The following EXOSC3 variants were observed in gnomAD, a reference collection of about 807,000 sequenced individuals.
The protein encoded by EXOSC3 is exosome complex component RRP40.
A neutral mutation model predicts 25.1 loss-of-function variants in EXOSC3; 18 were observed. The ratio of observed to expected loss-of-function variants is 0.72; its 90% confidence interval spans 0.50 to 1.06. EXOSC3 has a LOEUF of 1.06. EXOSC3 is among the 50% of genes least tolerant of loss of function. The pLI is 0.00. For synonymous variants in EXOSC3, 165 were observed against 132.2 expected (o/e 1.25, Z -1.70); for missense variants, 382 against 350.9 (o/e 1.09, Z -0.71).
Position 37,784,875 on chromosome 9 carries a change from G to C in EXOSC3, c.170C>G (p.Ala57Gly), listed in dbSNP as rs773767698. 2 of 1,607,186 alleles carry C rather than the reference G, an allele frequency of 1.2e-6. No homozygotes were observed. Among genetic ancestry groups the C allele is most frequent in the Admixed American group, 3.4e-5 (2 of 59,046 alleles). The change falls in exon 1 of 4, where the codon GCT becomes GGT. Residue 57 changes from alanine (A) to glycine (G), a missense_variant. Physicochemically the swap from Ala to Gly is moderately conservative, Grantham distance 60 (BLOSUM62 0). Transcript: ENST00000327304. Reference sequence around the variant, plus strand: ...AACGCGCACCCGCGAGCACGCTCTAGCATTCAGGCTCAACGGTCGCTCCAC... The same window carrying C: ...AACGCGCACCCGCGAGCACGCTCTACCATTCAGGCTCAACGGTCGCTCCAC... ...GAVERPLSLN[A>G]RACSRVRVVC...
Position 37,784,905 on chromosome 9 carries a change from C to T in EXOSC3, c.140G>A (p.Gly47Asp). Residue 47 changes from glycine (G) to aspartate (D), a missense_variant, in exon 1 of 4, where the codon GGT (glycine) becomes GAT (aspartate). Physicochemically the swap from Gly to Asp is moderately conservative, Grantham distance 94 (BLOSUM62 -1). Transcript: ENST00000327304. ...PEQEDAEGPGGAVERPLSLNA... is the reference protein window; with the variant it reads ...PEQEDAEGPGDAVERPLSLNA... The stretch of plus-strand genomic sequence containing the variant: ...CAGGCTCAACGGTCGCTCCACTGCA[C>T]CCCCAGGGCCTTCCGCGTCCTCCTG... 1 of 1,607,490 alleles carries T rather than the reference C, an allele frequency of 6.2e-7. No homozygotes were observed. Among genetic ancestry groups the T allele is most frequent in the Non-Finnish European group, 8.5e-7 (1 of 1,177,124 alleles).
chr9:37,785,067 T>G, upstream of EXOSC3: 2 of 1,574,820 alleles, frequency 1.3e-6, no homozygotes, highest in Non-Finnish European at 1.7e-6. Flanking sequence ...CAAACACCGT[T>G]TCCGGTACCC....
In EXOSC3 at chr9:37,783,955, A is replaced by T. The variant is rs751776878; in HGVS notation, c.433T>A (p.Ser145Thr). 2 of 1,613,338 alleles carry T rather than the reference A, an allele frequency of 1.2e-6. No individual in the cohort carries two copies. The highest frequency in any genetic ancestry group is 8.5e-7 in the Non-Finnish European group (1 of 1,179,962). ...TTTCTTTTAGTTGCACCTTCAAATG[A>T]CAAGTAAGACAAAGAAGCTGGCTCA... is the stretch of plus-strand genomic sequence containing the variant. ...GSEPASLSYL[S>T]FEGATKRNRP... is the part of the protein sequence containing the mutation. Residue 145 changes from serine to threonine, a missense_variant, in exon 2 of 4, where the codon TCA becomes ACA. Transcript: ENST00000327304.
chr9:37,781,199 T>C (rs1293077446), intron 3 of EXOSC3, among the ~76,000 whole-genome samples: 1 of 152,010 alleles, frequency 6.6e-6, no homozygotes, highest in Non-Finnish European at 1.5e-5. Flanking sequence ...TTATCTACAG[T>C]GTTAAGACAC....
intron 1 of EXOSC3, 65 bp from the exon 2 acceptor site, chr9:37,784,128 A>G (rs1419691507): frequency 6.6e-7 from 1 of 1,522,984 alleles, no homozygotes; most frequent in Non-Finnish European, 8.9e-7. Flanking sequence ...AGATACCTTC[A>G]GCAAGTCCTT....
Position 37,783,501 on chromosome 9 carries a change from A to G in EXOSC3, c.474+413T>C, listed in dbSNP as rs7861152. ...CAAATTGAAAACCCAAGGTAACAAT[A>G]TTACTCCTCTATCAGCTCCTAGGAC... On this transcript the variant is annotated intron_variant, in intron 2 of 3. Coordinates refer to ENST00000327304, the MANE Select transcript of EXOSC3 (RefSeq NM_016042.4). 2.8e-3 allele frequency among the ~76,000 whole-genome samples: 428 copies of G among 152,304 alleles called. 3 individuals carry two copies. Among genetic ancestry groups the G allele is most frequent in the African/African-American group, 9.8e-3 (406 of 41,572 alleles).
chr9:37,780,967 G>A, intron 3 of EXOSC3, 87 bp from the exon 4 acceptor site: 1 of 1,162,534 alleles, frequency 8.6e-7, no homozygotes, highest in Non-Finnish European at 1.2e-6. Context: ...CCTTTTCTGA[G>A]CAGTTCTCCA....
intron 2 of EXOSC3, among the ~76,000 whole-genome samples, chr9:37,782,442 T>G (rs532743922): frequency 1.1e-3 from 166 of 152,376 alleles, no homozygotes; most frequent in African/African-American, 3.8e-3. Flanking sequence ...AAATTAAAAT[T>G]AGGTATTTAA....
At chr9:37,783,408 A>T (rs1023714219) in intron 2 of EXOSC3, among the ~76,000 whole-genome samples, 1 of 152,214 alleles carries the variant, frequency 6.6e-6, no homozygotes, top group African/African-American at 2.4e-5. Flanking sequence ...GAATGAGAAG[A>T]GGTGAAGAAA....
rs1828646581 is a variant in EXOSC3, at chr9:37,783,961, A to C, written c.427T>G (p.Tyr143Asp). The C allele has an allele frequency of 1.2e-6, 2 of 1,613,504 alleles. No homozygotes were observed. The highest frequency in any genetic ancestry group is 8.5e-7 in the Non-Finnish European group (1 of 1,179,968). Residue 143 changes from tyrosine (Y) to aspartate (D), a missense_variant, in exon 2 of 4, where the codon TAC becomes GAC. By Grantham distance (160) the Tyr-to-Asp change is radical. Transcript: ENST00000327304. Reference protein sequence around the residue: ...VGGSEPASLSYLSFEGATKRN... With the variant: ...VGGSEPASLSDLSFEGATKRN... ...TTAGTTGCACCTTCAAATGACAAGT[A>C]AGACAAAGAAGCTGGCTCACTCCCT...
rs147510873 is a variant in EXOSC3 at position 37,784,922 on chromosome 9, G to A, written c.123C>T (p.Asp41=). 7.8e-5 allele frequency: 126 copies of A among 1,609,972 alleles called. No homozygotes were observed. In the African/African-American group the frequency reaches 1.2e-3, roughly 15 times the overall value. The change falls in exon 1 of 4, where the codon GAC becomes GAT. Residue 41 remains aspartate (D), a synonymous_variant. Coordinates refer to ENST00000327304, the MANE Select transcript of EXOSC3 (RefSeq NM_016042.4). ...CCACTGCACCCCCAGGGCCTTCCGC[G>A]TCCTCCTGTTCCGGCAGGAGCAGCT... is the stretch of plus-strand genomic sequence containing the variant. ...GEELLLPEQE[D]AEGPGGAVER... is the part of the protein sequence containing the mutation.
chr9:37,784,358 C>T (rs890904644), intron 1 of EXOSC3: 7 of 470,982 alleles, frequency 1.5e-5, no homozygotes, highest in Middle Eastern at 5.4e-4. Context: ...ATTCCATAGA[C>T]AATTTTTTCT....
rs1441882835 is a variant in EXOSC3 at position 37,784,946 on chromosome 9, C to G, written c.99G>C (p.Glu33Asp). The change falls in exon 1 of 4, where the codon GAG (glutamate) becomes GAC (aspartate). Residue 33 changes from glutamate to aspartate, a missense_variant. By Grantham distance (45) the Glu-to-Asp change is conservative. Coordinates refer to ENST00000327304, the MANE Select transcript of EXOSC3 (RefSeq NM_016042.4). ...VLGQVVLPGEELLLPEQEDAE... is the reference protein window; with the variant it reads ...VLGQVVLPGEDLLLPEQEDAE... ...CGTCCTCCTGTTCCGGCAGGAGCAG[C>G]TCCTCACCCGGGAGCACCACCTGAC... 1.9e-6 allele frequency: 3 copies of G among 1,612,438 alleles called. No individual in the cohort carries two copies. Among genetic ancestry groups the G allele is most frequent in the Non-Finnish European group, 2.5e-6 (3 of 1,179,498 alleles).
rs1477926133 is a variant in EXOSC3, at chr9:37,784,787, G to A, written c.258C>T (p.Leu86=). 6.2e-6 allele frequency: 10 copies of A among 1,607,638 alleles called. No individual in the cohort carries two copies. The highest frequency in any genetic ancestry group is 8.5e-6 in the Non-Finnish European group (10 of 1,178,840). Residue 86 remains leucine (L), a synonymous_variant, in exon 1 of 4, where the codon CTC becomes CTT. Coordinates refer to ENST00000327304, the MANE Select transcript of EXOSC3 (RefSeq NM_016042.4). ...DRLLVTKCGR[L]RHKEPGSGSG... ...TGCCACTGCCGGGCTCCTTGTGACG[G>A]AGGCGGCCGCACTTGGTGACCAGCA...
intron 2 of EXOSC3, among the ~76,000 whole-genome samples, chr9:37,782,701 T>G (rs941553777): frequency 5.9e-5 from 9 of 152,346 alleles, no homozygotes; most frequent in Non-Finnish European, 1.2e-4. Flanking sequence ...AGAGCTAAAC[T>G]TCAAAGGGAC....
At position 37,780,697 on chromosome 9, in the gene EXOSC3, G is replaced by A. The variant is rs748111732; in HGVS notation, c.810C>T (p.Ser270=). The part of the protein sequence containing the change: ...MTSDQRKQIF[S]RLAES The stretch of plus-strand genomic sequence containing the variant: ...ACCTATATCAACTTTCTGCCAATCT[G>A]GAGAAGATCTGTTTTCTTTGATCTG... The change falls in exon 4 of 4, where the codon TCC becomes TCT. Residue 270 remains serine, a synonymous_variant. Transcript: ENST00000327304. The A allele has an allele frequency of 3.7e-5, 59 of 1,613,500 alleles. 2 individuals carry two copies. In the South Asian group the frequency reaches 6.0e-4, roughly 17 times the overall value.
chr9:37,781,070 TCA>T (rs1164135747), intron 3 of EXOSC3, among the ~76,000 whole-genome samples, 190 bp from the exon 4 acceptor site: 1 of 152,094 alleles, frequency 6.6e-6, no homozygotes, highest in African/African-American at 2.4e-5. Context: ...ATACTAGAAA[TCA>T]CAGAGGTGGG....
chr9:37,785,028 G>A lies in EXOSC3; in HGVS notation c.17C>T (p.Ser6Phe), dbSNP rs749691951. 2.1e-5 allele frequency: 33 copies of A among 1,599,440 alleles called. No homozygotes were observed. In the Admixed American group the frequency reaches 2.2e-4, roughly 11 times the overall value. Residue 6 changes from serine (S) to phenylalanine (F), a missense_variant, in exon 1 of 4, where the codon TCT becomes TTT. Transcript: ENST00000327304. MAEPASVAAESLAGSR... is the reference protein window; with the variant it reads MAEPAFVAAESLAGSR... ...GCCCGCGAGAGATTCAGCCGCGACA[G>A]ACGCAGGTTCGGCCATCGCGGGCTC...
chr9:37,784,847 T>TAC lies in EXOSC3; in HGVS notation c.196_197dup (p.Cys67TyrfsTer47), dbSNP rs1564015489. On this transcript the variant is annotated frameshift_variant, in exon 1 of 4. Coordinates refer to ENST00000327304, the MANE Select transcript of EXOSC3 (RefSeq NM_016042.4). LOFTEE classifies it high-confidence loss of function. Reference sequence around the variant, plus strand: ...CACAGCGCCGAAGGCCCGGACCGCATACAACGCGCACCCGCGAGCACGCTC... The same window carrying TAC: ...CACAGCGCCGAAGGCCCGGACCGCATACACAACGCGCACCCGCGAGCACGCTC... 6.2e-7 allele frequency: 1 copy of TAC among 1,608,782 alleles called. No homozygotes were observed. The highest frequency in any genetic ancestry group is 2.2e-5 in the East Asian group (1 of 44,580).
Sources: allele counts gnomAD v4.1 joint callset (sites outside exome capture counted in the v4.1 genomes callset), GRCh38; gene constraint gnomAD v4.1.1; transcripts MANE v1.5; gene names NCBI Gene and HGNC (gene_info 2026-07-23, HGNC 2026-07-21).